The following PHF2 variants were observed in gnomAD, a reference collection of about 807,000 sequenced individuals.
PHF2 encodes the protein PHD finger protein 2, also known as lysine-specific demethylase PHF2.
A neutral mutation model predicts 120.5 loss-of-function variants in PHF2; 27 were observed. The ratio of observed to expected loss-of-function variants is 0.22; its 90% confidence interval spans 0.17 to 0.31. The LOEUF (loss-of-function observed/expected upper bound fraction) is 0.31, where lower values mean the gene tolerates loss of function less well. PHF2 is among the 10% of genes least tolerant of loss of function. The pLI, the probability that PHF2 is intolerant of heterozygous loss-of-function variation, is 1.00. For missense variants in PHF2, 1,024 were observed against 1,434.8 expected (o/e 0.71, Z 4.63); for synonymous variants, 568 against 592.5 (o/e 0.96, Z 0.60).
At chr9:93,673,374 G>A (rs563855964) in intron 17 of PHF2, among the ~76,000 whole-genome samples, 6 of 152,216 alleles carry the variant, frequency 3.9e-5, no homozygotes, top group African/African-American at 1.2e-4. Context: ...TGGCATATGG[G>A]TGGATGAGCA....
chr9:93,636,746 G>A (rs1017851159), intron 3 of PHF2, among the ~76,000 whole-genome samples: 2 of 152,188 alleles, frequency 1.3e-5, no homozygotes, highest in Admixed American at 1.3e-4. Flanking sequence ...CACTTCCCTG[G>A]GGGTGGGGGA....
intron 1 of PHF2, among the ~76,000 whole-genome samples, chr9:93,597,567 G>A (rs1409727951): frequency 6.6e-6 from 1 of 152,162 alleles, no homozygotes; most frequent in African/African-American, 2.4e-5. Flanking sequence ...CAGGCAGTGG[G>A]ACATTGGTCC....
Position 93,656,586 on chromosome 9 carries a change from G to A in PHF2, c.1138G>A (p.Ala380Thr), listed in dbSNP as rs1295767368. The A allele has an allele frequency of 4.3e-6, 7 of 1,611,956 alleles. No homozygotes were observed. Among genetic ancestry groups the A allele is most frequent in the Non-Finnish European group, 5.9e-6 (7 of 1,178,512 alleles). Residue 380 changes from alanine to threonine, a missense_variant, in exon 9 of 22, where the codon GCA becomes ACA. By Grantham distance (58) the Ala-to-Thr change is moderately conservative. Transcript: ENST00000359246. This position sits in a 1 kb window ranked among gnomAD's most constrained non-coding sequence, Gnocchi z 4.1. ...CWYMGKHLLEAFKGSHKSGKQ... is the reference protein window; with the variant it reads ...CWYMGKHLLETFKGSHKSGKQ... ...GTACATGGGGAAGCACCTGCTGGAG[G>A]CATTCAAAGGTACTGGTCACTCCGG...
chr9:93,614,060 C>T lies in PHF2; in HGVS notation c.99-15910C>T, dbSNP rs181349409. Among the ~76,000 whole-genome samples, 28 of 152,330 alleles carry T rather than the reference C, an allele frequency of 1.8e-4. No individual in the cohort carries two copies. The East Asian group carries it at 4.4e-3, about 24-fold the overall frequency. On this transcript the variant is annotated intron_variant, in intron 1 of 21. Transcript: ENST00000359246. The stretch of plus-strand genomic sequence containing the variant: ...TGGATGAAGGAAGGCACTGAGTTAC[C>T]TGCCCCAAGGCTGCCAACGGGAGAG...
In PHF2 at chr9:93,660,392, G is replaced by GCCCCCCAAA; in HGVS notation, c.1535_1536insCAAACCCCC (p.Lys513_Pro515dup). The GCCCCCCAAA allele has an allele frequency of 1.1e-6, 1 of 938,748 alleles. No homozygotes were observed. Among genetic ancestry groups the GCCCCCCAAA allele is most frequent in the Non-Finnish European group, 1.4e-6 (1 of 717,892 alleles). The allele number at this position is 938,748 out of a possible 1,614,324, so 58.2% of individuals were successfully genotyped here. A position where few individuals can be genotyped will look rare whatever the true frequency, so the allele number is the denominator to read the frequency against. ...CATCCAAAATCCCCAAGCCCCCGAA[G>GCCCCCCAAA]CCCCCTAAGCCCCCAAGGCCCCCCA... On this transcript the variant is annotated inframe_insertion, in exon 12 of 22. Coordinates refer to ENST00000359246, the MANE Select transcript of PHF2 (RefSeq NM_005392.4).
At chr9:93,675,065 G>T in intron 19 of PHF2, 43 bp downstream of exon 19, 2 of 1,465,880 alleles carry the variant, frequency 1.4e-6, no homozygotes, top group Non-Finnish European at 1.9e-6. Flanking sequence ...GACACCCAGT[G>T]TGGAAGCTGT....
At chr9:93,668,338 C>T (rs1436935906) in intron 17 of PHF2, among the ~76,000 whole-genome samples, 2 of 152,124 alleles carry the variant, frequency 1.3e-5, no homozygotes, top group African/African-American at 2.4e-5. Context: ...GTGAGCTCCT[C>T]CTCCCTGTCG....
chr9:93,658,953 A>G (rs1164134736), intron 10 of PHF2, among the ~76,000 whole-genome samples: 1 of 152,162 alleles, frequency 6.6e-6, no homozygotes, highest in Non-Finnish European at 1.5e-5. Context: ...AGTGTTTCCT[A>G]CTGGGCTCAT....
In PHF2 at chr9:93,656,980, C is replaced by T. The variant is rs539862799; in HGVS notation, c.1147+385C>T. On this transcript the variant is annotated intron_variant, in intron 9 of 21. Transcript: ENST00000359246. The surrounding 1 kb of genome is among the most constrained non-coding windows in gnomAD (Gnocchi z 4.1). The stretch of plus-strand genomic sequence containing the variant: ...TGGGTGCGAGTGGGCTCTGGGTCCC[C>T]TTAGGCTCCCTCAGGGGCCTGGCAA... Among the ~76,000 whole-genome samples the T allele has an allele frequency of 1.5e-4, 23 of 152,156 alleles. No homozygotes were observed. Among genetic ancestry groups the T allele is most frequent in the African/African-American group, 4.8e-4 (20 of 41,530 alleles).
intron 1 of PHF2, among the ~76,000 whole-genome samples, chr9:93,601,163 T>C (rs1418183599): frequency 2.0e-5 from 3 of 152,252 alleles, no homozygotes; most frequent in African/African-American, 7.2e-5. Context: ...CTGCTATTTG[T>C]GTTCAAGAGT....
At chr9:93,646,398 G>T (rs954062671) in intron 4 of PHF2, among the ~76,000 whole-genome samples, 3 of 152,252 alleles carry the variant, frequency 2.0e-5, no homozygotes, top group Admixed American at 6.5e-5. Context: ...ACCCTGACAG[G>T]CCAGTGGCCA....
intron 1 of PHF2, among the ~76,000 whole-genome samples, chr9:93,618,458 C>A (rs994119153): frequency 2.0e-5 from 3 of 152,178 alleles, no homozygotes; most frequent in Admixed American, 2.0e-4. Context: ...CATACAAGCA[C>A]ACACACACAG....
chr9:93,665,812 C>A lies in PHF2; in HGVS notation c.2064C>A (p.Ile688=). 1 of 1,613,822 alleles carries A rather than the reference C, an allele frequency of 6.2e-7. No individual in the cohort carries two copies. Residue 688 remains isoleucine (I), a synonymous_variant, in exon 15 of 22, where the codon ATC becomes ATA. Transcript: ENST00000359246. ...EYVSDDGELK[I]DEFPIRRKKN... is the part of the protein sequence containing the mutation. ...TGTCGGATGACGGTGAGCTCAAGAT[C>A]GACGAGTTTCCCATCAGGAGGAAGA...
intron 1 of PHF2, among the ~76,000 whole-genome samples, chr9:93,629,064 A>T (rs1015701478): frequency 6.6e-6 from 1 of 151,526 alleles, no homozygotes; most frequent in African/African-American, 2.4e-5. Context: ...GCTCCGGCTA[A>T]TTTTTTTTGT....
chr9:93,641,574 T>A (rs1437803661), intron 3 of PHF2, among the ~76,000 whole-genome samples: 3 of 152,254 alleles, frequency 2.0e-5, no homozygotes, highest in African/African-American at 2.4e-5. Context: ...ACATCCAAAC[T>A]CTTCACATGT....
chr9:93,636,164 A>T (rs1258361925), intron 2 of PHF2, among the ~76,000 whole-genome samples: 1 of 152,104 alleles, frequency 6.6e-6, no homozygotes, highest in African/African-American at 2.4e-5. Flanking sequence ...GGGTCAGGGA[A>T]TGGAGGACAC....
At chr9:93,613,361 T>G (rs1012603513) in intron 1 of PHF2, among the ~76,000 whole-genome samples, 19 of 152,088 alleles carry the variant, frequency 1.2e-4, no homozygotes, top group African/African-American at 4.1e-4. Context: ...TAGATGGGAT[T>G]CTGTGGTCCC....
At chr9:93,640,004 C>A (rs1215298986) in intron 3 of PHF2, among the ~76,000 whole-genome samples, 1 of 152,154 alleles carries the variant, frequency 6.6e-6, no homozygotes, top group Non-Finnish European at 1.5e-5. Context: ...GCTGTTTGGT[C>A]TTGGGACCAT....
At position 93,660,336 on chromosome 9, in the gene PHF2, A is replaced by G. The variant is rs1339554557; in HGVS notation, c.1474A>G (p.Lys492Glu). ...QSLLEKVSKK[K>E]TPKTVKMPKP... ...CCTCCTGGAGAAAGTGTCCAAAAAAAAGACTCCCAAAACTGTGAAGATGCC... is the reference window on the plus strand; with the variant it reads ...CCTCCTGGAGAAAGTGTCCAAAAAAGAGACTCCCAAAACTGTGAAGATGCC... Residue 492 changes from lysine (K) to glutamate (E), a missense_variant, in exon 12 of 22, where the codon AAG (lysine) becomes GAG (glutamate). Physicochemically the swap from Lys to Glu is moderately conservative, Grantham distance 56. This residue lies in a region of PHF2 where 677 missense variants were observed against 857.4 expected (regional missense o/e 0.79). Transcript: ENST00000359246. 7.5e-6 allele frequency: 12 copies of G among 1,607,630 alleles called. No homozygotes were observed. Among genetic ancestry groups the G allele is most frequent in the Non-Finnish European group, 9.3e-6 (11 of 1,177,318 alleles).
Sources: gnomAD v4.1 joint callset for allele counts (sites outside exome capture counted in the v4.1 genomes callset) on GRCh38, gnomAD v4.1.1 for gene constraint, gnomAD v4.1.1 regional missense constraint, Gnocchi (gnomAD v3.1) non-coding constraint, MANE v1.5 for transcripts, NCBI Gene and HGNC (gene_info 2026-07-23, HGNC 2026-07-21) for gene names.